CDH2: variants seen among roughly 807,000 people sequenced by gnomAD.
The protein encoded by CDH2 is cadherin 2.
A neutral mutation model predicts 92.0 loss-of-function variants in CDH2; 17 were observed. The observed-to-expected ratio is 0.18, with a 90% confidence interval of 0.13 to 0.28. The LOEUF is 0.28. Ranked by LOEUF, CDH2 falls within the 10% of genes least tolerant of loss-of-function variation. The probability of loss-of-function intolerance (pLI) is 1.00; values close to 1 mark genes in which losing one functional copy is unlikely to be tolerated. For missense variants in CDH2, 862 were observed against 1,133.1 expected, an observed-to-expected ratio of 0.76 and a Z score of 3.44; for synonymous variants, 419 against 415.9, an observed-to-expected ratio of 1.01 and a Z score of -0.09.
At chr18:28,051,333 T>G (rs1171299671) in intron 2 of CDH2, among the ~76,000 whole-genome samples, 1 of 152,150 alleles carries the variant, frequency 6.6e-6, no homozygotes, top group African/African-American at 2.4e-5. Flanking sequence ...ATAGATACAA[T>G]GATTAGAAGT....
At chr18:28,129,610 T>C (rs899350977) in intron 2 of CDH2, among the ~76,000 whole-genome samples, 1 of 152,122 alleles carries the variant, frequency 6.6e-6, no homozygotes, top group African/African-American at 2.4e-5. Context: ...GGAGGATTGC[T>C]CCAGGCCAGG....
chr18:27,943,232 C>CTT (rs1286455106), intron 6 of CDH2, among the ~76,000 whole-genome samples: 1 of 152,178 alleles, frequency 6.6e-6, no homozygotes, highest in Non-Finnish European at 1.5e-5. Context: ...ACTCAGCCCT[C>CTT]TGTCTTTTCA....
chr18:27,991,029 C>T (rs1370516776), intron 9 of CDH2, among the ~76,000 whole-genome samples: 2 of 152,042 alleles, frequency 1.3e-5, no homozygotes, highest in African/African-American at 4.8e-5. Flanking sequence ...GTAAAACCCC[C>T]AAATTTAAGA....
chr18:27,942,742 A>G (rs776539213), intron 6 of CDH2, among the ~76,000 whole-genome samples: 2 of 152,200 alleles, frequency 1.3e-5, no homozygotes, highest in African/African-American at 2.4e-5. Flanking sequence ...TTGATTTCCA[A>G]AATTGTTCAG....
intron 2 of CDH2, among the ~76,000 whole-genome samples, chr18:28,127,614 T>C (rs1468505649): frequency 1.3e-5 from 2 of 152,136 alleles, no homozygotes; most frequent in Admixed American, 6.5e-5. Context: ...CTGATTACAA[T>C]ATAGCAATTT....
rs1009254245 is a variant in CDH2 at position 28,166,168 on chromosome 18, ATATATGTC to A, written c.60+10787_60+10794del. ...CACACTCATATATATATATATATAT[ATATATGTC>A]TGTATTTTAATTATGAAGAATCAAG... On this transcript the variant is annotated intron_variant, in intron 1 of 15. Transcript: ENST00000269141. Among the ~76,000 whole-genome samples, 8 of 139,246 alleles carry A rather than the reference ATATATGTC, an allele frequency of 5.7e-5. No individual in the cohort carries two copies. In the South Asian group the frequency reaches 6.8e-4, roughly 12 times the overall value. The allele number at this position is 139,246 out of a possible 152,430, so 91.4% of individuals were successfully genotyped here.
At chr18:27,997,632 G>A (rs770081137) in intron 7 of CDH2, among the ~76,000 whole-genome samples, 1 of 152,104 alleles carries the variant, frequency 6.6e-6, no homozygotes, top group Non-Finnish European at 1.5e-5. Context: ...GCAATTAAAC[G>A]ATGACCTTGG....
chr18:28,034,103 A>T (rs2013766438), intron 2 of CDH2, among the ~76,000 whole-genome samples: 1 of 152,130 alleles, frequency 6.6e-6, no homozygotes. Flanking sequence ...AGAGCAATGA[A>T]CTAAAAGCCA....
chr18:28,164,651 AACAC>A (rs1007017882), intron 1 of CDH2, among the ~76,000 whole-genome samples: 16 of 132,366 alleles, frequency 1.2e-4, no homozygotes, highest in African/African-American at 2.1e-4. Context: ...CTAGTCTCAA[AACAC>A]ACACACACAG....
chr18:28,002,477 C>T lies in CDH2; in HGVS notation c.1020+520G>A, dbSNP rs375929100. On this transcript the variant is annotated intron_variant, in intron 7 of 15. Coordinates refer to ENST00000269141, the MANE Select transcript of CDH2 (RefSeq NM_001792.5). The stretch of plus-strand genomic sequence containing the variant: ...GTGGGTAGAATTAATGCAGTTACTA[C>T]TGCTTAAATCTTTTAAGTAAATTAA... 1.2e-4 allele frequency among the ~76,000 whole-genome samples: 18 copies of T among 152,192 alleles called. 1 individual carries two copies. The highest frequency in any genetic ancestry group is 1.0e-3 in the Admixed American group (16 of 15,278).
intron 14 of CDH2, among the ~76,000 whole-genome samples, chr18:27,970,347 G>C (rs2011626896): frequency 6.6e-6 from 1 of 152,052 alleles, no homozygotes; most frequent in Admixed American, 6.5e-5. Context: ...AACAAAAAAT[G>C]TGACCACTTG....
chr18:28,098,868 G>T (rs966044497), intron 2 of CDH2, among the ~76,000 whole-genome samples: 7 of 152,124 alleles, frequency 4.6e-5, no homozygotes, highest in Non-Finnish European at 1.0e-4. Flanking sequence ...CCAAGACAGT[G>T]CTATGTACAT....
intron 2 of CDH2, among the ~76,000 whole-genome samples, chr18:28,071,852 T>C (rs1221567486): frequency 6.6e-6 from 1 of 152,122 alleles, no homozygotes; most frequent in Non-Finnish European, 1.5e-5. Context: ...ACCCTAAAGG[T>C]AGCAATAATA....
At chr18:28,123,169 C>A (rs574146938) in intron 2 of CDH2, among the ~76,000 whole-genome samples, 3 of 152,192 alleles carry the variant, frequency 2.0e-5, no homozygotes, top group African/African-American at 7.2e-5. Flanking sequence ...ATAAAAACTG[C>A]TTAAAAGTCT....
intron 2 of CDH2, among the ~76,000 whole-genome samples, chr18:28,138,207 G>A (rs539147020): frequency 5.3e-5 from 8 of 152,078 alleles, no homozygotes; most frequent in Admixed American, 5.2e-4. Flanking sequence ...GGGGTCTCCA[G>A]ATAACGTTGA....
chr18:28,144,767 G>A (rs2016009463), intron 2 of CDH2, among the ~76,000 whole-genome samples: 1 of 152,038 alleles, frequency 6.6e-6, no homozygotes, highest in Non-Finnish European at 1.5e-5. Flanking sequence ...ATGTATTCAT[G>A]TGATATTACA....
chr18:28,094,525 T>C (rs1389783013), intron 2 of CDH2, among the ~76,000 whole-genome samples: 1 of 151,406 alleles, frequency 6.6e-6, no homozygotes, highest in Non-Finnish European at 1.5e-5. Context: ...CCAGGTGCGG[T>C]GGCTCACGCC....
chr18:28,026,210 A>G lies in CDH2; in HGVS notation c.173-12301T>C, dbSNP rs1372770790. ...AATGTCATTTTCTTTTGATTCTTCT[A>G]CTTCCCCCTGGGAGGCCAGGTGATA... On this transcript the variant is annotated intron_variant, in intron 2 of 15. Transcript: ENST00000269141. 2.0e-5 allele frequency among the ~76,000 whole-genome samples: 3 copies of G among 152,110 alleles called. No individual in the cohort carries two copies. The East Asian group carries it at 5.8e-4, about 29-fold the overall frequency.
At chr18:28,065,700 CTCAT>C (rs916850572) in intron 2 of CDH2, among the ~76,000 whole-genome samples, 2 of 151,992 alleles carry the variant, frequency 1.3e-5, no homozygotes, top group African/African-American at 4.8e-5. Context: ...TTTTTCCTCT[CTCAT>C]TGTCATCTTT....
Sources: gnomAD v4.1 joint callset for allele counts (sites outside exome capture counted in the v4.1 genomes callset) on GRCh38, gnomAD v4.1.1 for gene constraint, MANE v1.5 for transcripts, NCBI Gene and HGNC (gene_info 2026-07-23, HGNC 2026-07-21) for gene names.